The following LARP4B variants were observed in gnomAD, a reference collection of about 807,000 sequenced individuals.
The protein encoded by LARP4B is La ribonucleoprotein 4B.
A neutral mutation model predicts 89.8 loss-of-function variants in LARP4B; 12 were observed. That is an observed-to-expected ratio of 0.13 (90% CI 0.09 to 0.22). The LOEUF (loss-of-function observed/expected upper bound fraction) is 0.22, where lower values mean the gene tolerates loss of function less well. LARP4B is among the 10% of genes least tolerant of loss of function. LARP4B has a pLI of 1.00. For missense variants in LARP4B, 757 were observed against 947.7 expected, an observed-to-expected ratio of 0.80 and a Z score of 2.64; for synonymous variants, 367 against 363.3, an observed-to-expected ratio of 1.01 and a Z score of -0.12.
At chr10:808,903 A>C (rs1831642743), downstream of LARP4B, 1 of 152,212 alleles carries the variant, frequency 6.6e-6, no homozygotes, top group South Asian at 2.1e-4. Flanking sequence ...AAAAGATACT[A>C]TTCTAAATAA....
At chr10:831,168 T>G (rs753325616) in intron 8 of LARP4B, among the ~76,000 whole-genome samples, 191 bp from the exon 9 acceptor site, 1 of 151,714 alleles carries the variant, frequency 6.6e-6, no homozygotes, top group Non-Finnish European at 1.5e-5. Flanking sequence ...CACAATGCCA[T>G]AGAGAAAAGC....
intron 1 of LARP4B, among the ~76,000 whole-genome samples, chr10:897,435 A>C (rs1427992234): frequency 3.9e-5 from 6 of 152,240 alleles, no homozygotes; most frequent in South Asian, 2.1e-4. Flanking sequence ...AGAAAACAGC[A>C]GTAAATCTTC....
At chr10:904,382 T>C (rs1233541797) in intron 1 of LARP4B, among the ~76,000 whole-genome samples, 2 of 151,868 alleles carry the variant, frequency 1.3e-5, no homozygotes, top group Non-Finnish European at 2.9e-5. Context: ...AGTGAAACCC[T>C]GTCTCTATAA....
At chr10:972,694 C>T in the LARP4B span, 1 of 457,232 alleles carries the variant, frequency 2.2e-6, no homozygotes, top group Non-Finnish European at 4.4e-6. Flanking sequence ...GAATCAAACA[C>T]TGAGAATATC....
the LARP4B span, among the ~76,000 whole-genome samples, chr10:963,364 G>A: frequency 3.9e-5 from 6 of 152,136 alleles, no homozygotes; most frequent in African/African-American, 1.2e-4. Context: ...TATCCACCAC[G>A]CTGCTATTCC....
At chr10:825,344 G>T in intron 12 of LARP4B, 28 bp from the exon 13 acceptor site, 1 of 1,608,062 alleles carries the variant, frequency 6.2e-7, no homozygotes, top group South Asian at 1.1e-5. Context: ...TTTATGTGTT[G>T]AGTTATAAAA....
At chr10:819,690 A>G (rs1183028349) in intron 14 of LARP4B, 1 of 152,280 alleles carries the variant, frequency 6.6e-6, no homozygotes, top group African/African-American at 2.4e-5. Flanking sequence ...TTGACTTGTT[A>G]GTCCAAATGG....
At chr10:899,487 T>G (rs1316284002) in intron 1 of LARP4B, among the ~76,000 whole-genome samples, 1 of 152,224 alleles carries the variant, frequency 6.6e-6, no homozygotes, top group Non-Finnish European at 1.5e-5. Flanking sequence ...CTACACACAG[T>G]GATACTGAGA....
chr10:911,428 C>T (rs907134546), intron 1 of LARP4B, among the ~76,000 whole-genome samples: 1 of 152,144 alleles, frequency 6.6e-6, no homozygotes, highest in Non-Finnish European at 1.5e-5. Flanking sequence ...AACTGAAACT[C>T]ACCTTAAAAT....
At chr10:879,750 G>A (rs1271636819) in intron 3 of LARP4B, among the ~76,000 whole-genome samples, 1 of 149,472 alleles carries the variant, frequency 6.7e-6, no homozygotes, top group African/African-American at 2.5e-5. Flanking sequence ...TTATAGGTGT[G>A]AGCCACTACA....
At chr10:875,324 G>A (rs913738107) in intron 3 of LARP4B, among the ~76,000 whole-genome samples, 1 of 152,270 alleles carries the variant, frequency 6.6e-6, no homozygotes, top group South Asian at 2.1e-4. Context: ...GAGCTGTTAG[G>A]CAGACTTTAA....
chr10:956,173 A>G, the LARP4B span, among the ~76,000 whole-genome samples: 2 of 152,240 alleles, frequency 1.3e-5, no homozygotes, highest in East Asian at 3.9e-4. The surrounding 1 kb of genome is among the most constrained non-coding windows in gnomAD (Gnocchi z 4.3). Flanking sequence ...AGATTCCATC[A>G]AATTATACCC....
intron 2 of LARP4B, among the ~76,000 whole-genome samples, chr10:884,715 C>A (rs1835798979): frequency 6.6e-6 from 1 of 151,986 alleles, no homozygotes; most frequent in Non-Finnish European, 1.5e-5. Flanking sequence ...TTTGTAGATT[C>A]AATGGGGAAA....
At chr10:981,520 T>C in the LARP4B span, among the ~76,000 whole-genome samples, 1 of 152,222 alleles carries the variant, frequency 6.6e-6, no homozygotes, top group African/African-American at 2.4e-5. Flanking sequence ...AATATTTAGA[T>C]AACTTTAAAG....
At chr10:932,855 A>T (rs1242791571), upstream of LARP4B, among the ~76,000 whole-genome samples, 1 of 118,932 alleles carries the variant, frequency 8.4e-6, no homozygotes, top group Non-Finnish European at 1.7e-5. Context: ...TCAGCCCCGG[A>T]ATCCCCAACC....
intron 3 of LARP4B, among the ~76,000 whole-genome samples, chr10:884,060 C>T (rs1023226826): frequency 6.6e-6 from 1 of 152,108 alleles, no homozygotes. Context: ...AAATGTGAAA[C>T]AAATTTTCTG....
chr10:838,932 A>G (rs1327712792), intron 7 of LARP4B, among the ~76,000 whole-genome samples: 1 of 152,192 alleles, frequency 6.6e-6, no homozygotes, highest in Non-Finnish European at 1.5e-5. Context: ...ATTCCACACT[A>G]AAAAGAAATG....
At chr10:840,394 C>T (rs1280840683) in intron 7 of LARP4B, among the ~76,000 whole-genome samples, 3 of 152,202 alleles carry the variant, frequency 2.0e-5, no homozygotes, top group African/African-American at 7.2e-5. Flanking sequence ...ACAAAAATTC[C>T]TGTGCTTCAG....
At chr10:845,361 C>T (rs1479412807) in intron 5 of LARP4B, among the ~76,000 whole-genome samples, 2 of 152,016 alleles carry the variant, frequency 1.3e-5, no homozygotes. Context: ...TGTCTCACTG[C>T]AAAAAGAATT....
Sources: allele counts gnomAD v4.1 joint callset (sites outside exome capture counted in the v4.1 genomes callset), GRCh38; gene constraint gnomAD v4.1.1; non-coding constraint Gnocchi (gnomAD v3.1); transcripts MANE v1.5; gene names NCBI Gene and HGNC (gene_info 2026-07-23, HGNC 2026-07-21).